The following CPQ variants were observed in gnomAD, a reference collection of about 807,000 sequenced individuals.
The protein encoded by CPQ is carboxypeptidase Q, also known as Ser-Met dipeptidase.
In CPQ, 37 loss-of-function variants were observed where a neutral mutation model predicts 45.7. The observed-to-expected ratio is 0.81, with a 90% CI of 0.62 to 1.07. CPQ has a LOEUF of 1.07. Among genes scored for constraint, CPQ ranks in the 50% least tolerant of loss-of-function variants. The pLI, the probability that CPQ is intolerant of heterozygous loss-of-function variation, is 0.00. For synonymous variants in CPQ, 186 were observed against 205.8 expected, an observed-to-expected ratio of 0.90 and a Z score of 0.82; for missense variants, 537 against 572.9, an observed-to-expected ratio of 0.94 and a Z score of 0.64.
chr8:96,714,062 C>T (rs533507852), intron 1 of CPQ, among the ~76,000 whole-genome samples: 2 of 152,288 alleles, frequency 1.3e-5, no homozygotes, highest in Admixed American at 1.3e-4. Context: ...TCTCACTGCT[C>T]TTAGAATTCT....
chr8:97,038,396 A>C (rs1810038912), intron 6 of CPQ, among the ~76,000 whole-genome samples: 1 of 152,146 alleles, frequency 6.6e-6, no homozygotes, highest in African/African-American at 2.4e-5. Flanking sequence ...CCCTACTCCT[A>C]ACCAGGTCAT....
At chr8:96,778,243 A>C (rs1810642045) in intron 1 of CPQ, among the ~76,000 whole-genome samples, 1 of 151,872 alleles carries the variant, frequency 6.6e-6, no homozygotes, top group African/African-American at 2.4e-5. Flanking sequence ...ATCTTGTTCC[A>C]TTTTTGTTAC....
intron 1 of CPQ, among the ~76,000 whole-genome samples, chr8:96,772,113 A>G (rs1312525702): frequency 6.6e-6 from 1 of 152,104 alleles, no homozygotes; most frequent in Admixed American, 6.6e-5. Flanking sequence ...AAGAGAGATA[A>G]CTGTTGTAAC....
intron 4 of CPQ, among the ~76,000 whole-genome samples, chr8:96,942,352 A>G (rs1813135619): frequency 6.6e-6 from 1 of 152,196 alleles, no homozygotes; most frequent in African/African-American, 2.4e-5. Context: ...ATGTTAAGGA[A>G]GGAATCCTAT....
intron 7 of CPQ, among the ~76,000 whole-genome samples, chr8:97,106,493 G>A (rs946935613): frequency 3.3e-5 from 5 of 152,216 alleles, no homozygotes; most frequent in African/African-American, 4.8e-5. Flanking sequence ...CTGCTCTTGC[G>A]GCACGGCGTC....
intron 2 of CPQ, among the ~76,000 whole-genome samples, chr8:96,798,050 CAAA>C (rs796338469): frequency 7.3e-6 from 1 of 137,696 alleles, no homozygotes. Flanking sequence ...GACTCCATCT[CAAA>C]AAAAAAAAAA....
intron 2 of CPQ, among the ~76,000 whole-genome samples, chr8:96,811,332 G>C (rs1186006103): frequency 1.3e-5 from 2 of 152,014 alleles, no homozygotes; most frequent in Non-Finnish European, 2.9e-5. Context: ...GCAAGCACCA[G>C]GCCCTTGACC....
intron 5 of CPQ, among the ~76,000 whole-genome samples, chr8:97,017,955 A>G (rs1204346895): frequency 1.3e-5 from 2 of 152,128 alleles, no homozygotes; most frequent in Non-Finnish European, 2.9e-5. Flanking sequence ...GCACTAATCA[A>G]TCAAAGCTAA....
At chr8:96,653,273 G>A (rs1490547316) in intron 1 of CPQ, among the ~76,000 whole-genome samples, 1 of 152,220 alleles carries the variant, frequency 6.6e-6, no homozygotes, top group African/African-American at 2.4e-5. Flanking sequence ...TCTAACTGGG[G>A]TGAGATAGTC....
intron 7 of CPQ, among the ~76,000 whole-genome samples, chr8:97,086,087 A>G (rs1327935462): frequency 6.6e-6 from 1 of 152,182 alleles, no homozygotes; most frequent in Non-Finnish European, 1.5e-5. Context: ...TCAGTTTCCT[A>G]TTAAACTCAA....
At chr8:96,789,510 G>A (rs1810819490) in intron 2 of CPQ, among the ~76,000 whole-genome samples, 1 of 152,170 alleles carries the variant, frequency 6.6e-6, no homozygotes, top group South Asian at 2.1e-4. Flanking sequence ...CAAAGGTTAT[G>A]CTTAGGTTCC....
intron 5 of CPQ, among the ~76,000 whole-genome samples, chr8:96,994,006 A>G (rs1809137073): frequency 6.6e-6 from 1 of 152,142 alleles, no homozygotes; most frequent in African/African-American, 2.4e-5. Flanking sequence ...CCCAGGGCCT[A>G]ACTGGTTAAG....
intron 1 of CPQ, among the ~76,000 whole-genome samples, chr8:96,768,504 G>A (rs1810497707): frequency 1.3e-5 from 2 of 152,164 alleles, no homozygotes; most frequent in Admixed American, 6.6e-5. Context: ...ATGGTGCTGT[G>A]TGGCAGCCAT....
At chr8:96,844,294 C>A (rs1379435314) in intron 3 of CPQ, among the ~76,000 whole-genome samples, 3 of 152,188 alleles carry the variant, frequency 2.0e-5, no homozygotes, top group Admixed American at 6.5e-5. Context: ...TGTTCCTCCC[C>A]ACCTCTGTCA....
rs983219805 is a variant in CPQ, at chr8:96,888,667, C to G, written c.849+8662C>G. 3.3e-5 allele frequency among the ~76,000 whole-genome samples: 5 copies of G among 152,094 alleles called. 1 individual carries two copies. The South Asian group carries it at 6.2e-4, about 19-fold the overall frequency. ...CCCTTTTTCTGTGGTACTTCTTAAGCCTTTAATGTGCTGATGTGCACTGGG... is the reference window on the plus strand; with the variant it reads ...CCCTTTTTCTGTGGTACTTCTTAAGGCTTTAATGTGCTGATGTGCACTGGG... On this transcript the variant is annotated intron_variant, in intron 4 of 7. Transcript: ENST00000220763.
rs1809359909 is a variant in CPQ at position 96,695,215 on chromosome 8, G to A, written c.-35+49813G>A. 2.7e-5 allele frequency among the ~76,000 whole-genome samples: 4 copies of A among 149,964 alleles called. 1 individual carries two copies. In the South Asian group the frequency reaches 8.5e-4, roughly 32 times the overall value. Reference sequence around the variant, plus strand: ...AAGGATTCCCTATTTAATATATGGTGCTGGGAAAACTGGCTAGCCATATGT... The same window carrying A: ...AAGGATTCCCTATTTAATATATGGTACTGGGAAAACTGGCTAGCCATATGT... On this transcript the variant is annotated intron_variant, in intron 1 of 7. Transcript: ENST00000220763.
chr8:96,932,088 C>T (rs1000090779), intron 4 of CPQ, among the ~76,000 whole-genome samples: 4 of 152,014 alleles, frequency 2.6e-5, no homozygotes, highest in African/African-American at 4.8e-5. Context: ...TGCAGAAAAT[C>T]AGAGAAAGGG....
intron 1 of CPQ, among the ~76,000 whole-genome samples, chr8:96,740,857 C>G (rs538294236): frequency 1.3e-5 from 2 of 152,056 alleles, no homozygotes; most frequent in Non-Finnish European, 2.9e-5. Flanking sequence ...CTGCTGGATT[C>G]GGTTTGCTAG....
chr8:96,819,605 A>G (rs1051606749), intron 2 of CPQ, among the ~76,000 whole-genome samples: 1 of 152,102 alleles, frequency 6.6e-6, no homozygotes, highest in African/African-American at 2.4e-5. Flanking sequence ...TCTCCTGGGC[A>G]TTTTTCTGCT....
Sources: gnomAD v4.1 joint callset for allele counts (sites outside exome capture counted in the v4.1 genomes callset) on GRCh38, gnomAD v4.1.1 for gene constraint, MANE v1.5 for transcripts, NCBI Gene and HGNC (gene_info 2026-07-23, HGNC 2026-07-21) for gene names.